Variants in FOXP2 observed in about 807,000 individuals in gnomAD.
FOXP2 encodes forkhead box protein P2.
A neutral mutation model predicts 115.8 loss-of-function variants in FOXP2; 12 were observed. The ratio of observed to expected loss-of-function variants is 0.10; its 90% confidence interval spans 0.07 to 0.17. The LOEUF (loss-of-function observed/expected upper bound fraction) is 0.17. FOXP2 is among the 10% of genes least tolerant of loss of function. FOXP2 has a pLI of 1.00. For synonymous variants in FOXP2, 328 were observed against 297.7 expected (o/e 1.10, Z -1.05); for missense variants, 629 against 843.5 (o/e 0.75, Z 3.15).
intron 1 of FOXP2, among the ~76,000 whole-genome samples, chr7:114,128,127 T>G (rs1791770291): frequency 6.6e-6 from 1 of 152,188 alleles, no homozygotes; most frequent in South Asian, 2.1e-4. Context: ...GGTAAACTCT[T>G]TTACTTTATT....
At chr7:114,133,016 G>A (rs540260628) in intron 1 of FOXP2, among the ~76,000 whole-genome samples, 3 of 152,238 alleles carry the variant, frequency 2.0e-5, no homozygotes, top group East Asian at 1.9e-4. Flanking sequence ...AAACAGGGAC[G>A]AAACCGGTTA....
chr7:114,405,766 A>T (rs1435989184), intron 2 of FOXP2, among the ~76,000 whole-genome samples: 1 of 151,926 alleles, frequency 6.6e-6, no homozygotes, highest in African/African-American at 2.4e-5. Context: ...TTTAATAGAA[A>T]ATTCACTATG....
intron 1 of FOXP2, among the ~76,000 whole-genome samples, chr7:114,253,039 T>G (rs1795495452): frequency 6.6e-6 from 1 of 152,192 alleles, no homozygotes; most frequent in Non-Finnish European, 1.5e-5. Context: ...CTGCCTTCAT[T>G]TCGTTATGTA....
At chr7:114,513,328 T>G (rs1298204229) in intron 2 of FOXP2, among the ~76,000 whole-genome samples, 1 of 152,178 alleles carries the variant, frequency 6.6e-6, no homozygotes, top group African/African-American at 2.4e-5. Context: ...CATTGGGATA[T>G]CATTATGATT....
At chr7:114,688,699 C>G (rs1417498281) in intron 16 of FOXP2, among the ~76,000 whole-genome samples, 7 of 152,160 alleles carry the variant, frequency 4.6e-5, no homozygotes, top group Non-Finnish European at 7.3e-5. Context: ...CCCCATCACT[C>G]TGTTGTGTTT....
At chr7:114,333,697 G>A (rs962243523) in intron 2 of FOXP2, among the ~76,000 whole-genome samples, 2 of 152,116 alleles carry the variant, frequency 1.3e-5, no homozygotes, top group African/African-American at 4.8e-5. Flanking sequence ...GACCAGCTTG[G>A]CCAACATGGT....
intron 1 of FOXP2, among the ~76,000 whole-genome samples, chr7:114,093,289 A>C (rs1799579167): frequency 6.6e-6 from 1 of 152,152 alleles, no homozygotes; most frequent in African/African-American, 2.4e-5. Context: ...CTGCTCAAAC[A>C]TATCCTTGTT....
intron 2 of FOXP2, among the ~76,000 whole-genome samples, chr7:114,294,854 A>AAATC (rs1490102950): frequency 1.4e-5 from 2 of 144,468 alleles, no homozygotes; most frequent in Non-Finnish European, 3.0e-5. Flanking sequence ...ATAAATAAAT[A>AAATC]AATAAATAAA....
At chr7:114,332,132 G>A (rs560408434) in intron 2 of FOXP2, among the ~76,000 whole-genome samples, 6 of 151,948 alleles carry the variant, frequency 3.9e-5, no homozygotes, top group African/African-American at 7.2e-5. Context: ...GTGTGTGTGC[G>A]TGTGTGTGTG....
chr7:114,667,466 A>T (rs974018301), intron 16 of FOXP2: 6 of 152,020 alleles, frequency 3.9e-5, no homozygotes, highest in Non-Finnish European at 7.4e-5. Context: ...TGACACAAGG[A>T]CTTATTATAG....
At chr7:114,201,893 T>C (rs751311633) in intron 1 of FOXP2, among the ~76,000 whole-genome samples, 16 of 152,210 alleles carry the variant, frequency 1.1e-4, no homozygotes, top group Non-Finnish European at 1.8e-4. Flanking sequence ...CAGTCAAATA[T>C]TTGAGTACAA....
chr7:114,486,788 A>G (rs747895914), intron 2 of FOXP2, among the ~76,000 whole-genome samples: 18 of 152,194 alleles, frequency 1.2e-4, no homozygotes, highest in Non-Finnish European at 2.2e-4. Context: ...AAGCTCTGAA[A>G]TGATCTCCTT....
At chr7:114,528,260 A>T (rs1183167059) in intron 2 of FOXP2, among the ~76,000 whole-genome samples, 1 of 152,012 alleles carries the variant, frequency 6.6e-6, no homozygotes, top group African/African-American at 2.4e-5. Flanking sequence ...AATGATTCTC[A>T]TGTAACTCCA....
chr7:114,204,532 C>A (rs1295483657), intron 1 of FOXP2, among the ~76,000 whole-genome samples: 3 of 152,116 alleles, frequency 2.0e-5, no homozygotes, highest in African/African-American at 7.2e-5. Flanking sequence ...GGTCTCTGAA[C>A]CTCATCCTCA....
intron 1 of FOXP2, among the ~76,000 whole-genome samples, chr7:114,209,682 A>T (rs1374747396): frequency 6.6e-6 from 1 of 151,976 alleles, no homozygotes; most frequent in Non-Finnish European, 1.5e-5. Flanking sequence ...TCCTGAATTC[A>T]ATGTTGGCCT....
intron 2 of FOXP2, among the ~76,000 whole-genome samples, chr7:114,472,206 T>C (rs1796080038): frequency 6.6e-6 from 1 of 152,072 alleles, no homozygotes; most frequent in Non-Finnish European, 1.5e-5. Context: ...CCCTTGAACT[T>C]TTAAAGTTAA....
intron 2 of FOXP2, among the ~76,000 whole-genome samples, chr7:114,429,109 T>C (rs945432391): frequency 2.0e-5 from 3 of 151,528 alleles, no homozygotes; most frequent in Non-Finnish European, 4.4e-5. Flanking sequence ...GCTTTTGTAC[T>C]TTATAGAGGT....
At chr7:114,515,302 C>T (rs1798277698) in intron 2 of FOXP2, among the ~76,000 whole-genome samples, 1 of 151,294 alleles carries the variant, frequency 6.6e-6, no homozygotes, top group African/African-American at 2.4e-5. Flanking sequence ...CACTGACTTC[C>T]ACAAGGGTTG....
In FOXP2 at chr7:114,655,229, A is replaced by G. The variant is rs988878947; in HGVS notation, c.1266+1220A>G. 9.2e-5 allele frequency among the ~76,000 whole-genome samples: 14 copies of G among 152,132 alleles called. 1 individual carries two copies. The highest frequency in any genetic ancestry group is 3.3e-4 in the Admixed American group (5 of 15,246). On this transcript the variant is annotated intron_variant, in intron 10 of 16. Coordinates refer to ENST00000350908, the MANE Select transcript of FOXP2 (RefSeq NM_014491.4). Reference sequence around the variant, plus strand: ...ATAGTATAATGTAGATAATCACAAGACAGAATAATTGTCTCATAAATCCAT... The same window carrying G: ...ATAGTATAATGTAGATAATCACAAGGCAGAATAATTGTCTCATAAATCCAT...
Sources: gnomAD v4.1 joint callset for allele counts (sites outside exome capture counted in the v4.1 genomes callset) on GRCh38, gnomAD v4.1.1 for gene constraint, MANE v1.5 for transcripts, NCBI Gene and HGNC (gene_info 2026-07-23, HGNC 2026-07-21) for gene names.